Variants in ADGRA1 observed in about 807,000 individuals in gnomAD.
The protein encoded by ADGRA1 is G-protein coupled receptor 123.
A neutral mutation model predicts 21.3 loss-of-function variants in ADGRA1; 12 were observed. That is an observed-to-expected ratio of 0.56 (90% confidence interval 0.36 to 0.91). The LOEUF is 0.91. Among genes scored for constraint, ADGRA1 ranks in the 40% least tolerant of loss-of-function variants. The pLI is 0.01. For synonymous variants in ADGRA1, 385 were observed against 368.8 expected (o/e 1.04, Z -0.50); for missense variants, 790 against 805.6 (o/e 0.98, Z 0.23).
intron 5 of ADGRA1, among the ~76,000 whole-genome samples, chr10:133,113,727 T>G: frequency 7.3e-6 from 1 of 136,776 alleles, no homozygotes; most frequent in Non-Finnish European, 1.6e-5. Context: ...AGAATGTGGG[T>G]TCACTGGGAG....
intron 2 of ADGRA1, chr10:133,095,749 C>T (rs1351554223): frequency 3.8e-6 from 6 of 1,598,416 alleles, no homozygotes; most frequent in Admixed American, 1.7e-5. Context: ...CAGGAGCTCT[C>T]GGGCCCGCTG....
intron 2 of ADGRA1, among the ~76,000 whole-genome samples, chr10:133,090,022 C>T (rs533989239): frequency 6.6e-6 from 1 of 152,366 alleles, no homozygotes; most frequent in South Asian, 2.1e-4. Context: ...TCCCAGTTGG[C>T]AGGATCTGTG....
rs759608334 is a variant in ADGRA1, at chr10:133,127,305, C to T, written c.474C>T (p.Tyr158=). 5.6e-6 allele frequency: 9 copies of T among 1,600,098 alleles called. No homozygotes were observed. In the Admixed American group the frequency reaches 6.9e-5, roughly 12 times the overall value. The stretch of plus-strand genomic sequence containing the variant: ...CGGCTGCCACGAACATCAGGAATTA[C>T]GGGACAGAGGACGAGGACACGGCGT... ...GVTAATNIRN[Y]GTEDEDTAYC... Residue 158 remains tyrosine (Y), a synonymous_variant, in exon 6 of 7, where the codon TAC becomes TAT. Coordinates refer to ENST00000392607, the MANE Select transcript of ADGRA1 (RefSeq NM_001083909.3).
intron 5 of ADGRA1, among the ~76,000 whole-genome samples, chr10:133,112,431 G>GGTTATTTGGGGTCTACGGGCCACGTCA (rs1852058219): frequency 8.0e-6 from 1 of 125,400 alleles, no homozygotes; most frequent in African/African-American, 3.1e-5. Flanking sequence ...GGGCCATGTC[G>GGTTATTTGGGGTCTACGGGCCACGTCA]GTTATTTGGG....
intron 5 of ADGRA1, 89 bp from the exon 6 acceptor site, chr10:133,127,144 C>T: frequency 1.2e-6 from 1 of 806,426 alleles, no homozygotes; most frequent in Non-Finnish European, 1.9e-6. Context: ...GCTGCTCTCC[C>T]TTGCCCCGCG....
intron 3 of ADGRA1, 29 bp from the exon 4 acceptor site, chr10:133,098,611 A>T: frequency 6.3e-7 from 1 of 1,597,136 alleles, no homozygotes; most frequent in South Asian, 1.1e-5. Context: ...GCCTCTGCTC[A>T]TGTGAAACCC....
intron 4 of ADGRA1, among the ~76,000 whole-genome samples, chr10:133,100,439 G>C (rs1370391394): frequency 6.6e-6 from 1 of 152,234 alleles, no homozygotes; most frequent in African/African-American, 2.4e-5. Context: ...CCCCCCGAGG[G>C]CCTTCAGCAA....
intron 5 of ADGRA1, among the ~76,000 whole-genome samples, chr10:133,125,419 T>C (rs2135909178): frequency 6.6e-6 from 1 of 152,324 alleles, no homozygotes; most frequent in African/African-American, 2.4e-5. Context: ...TTTGTTTTAA[T>C]GTTTTTGTTT....
chr10:133,093,473 C>T (rs759351455), intron 2 of ADGRA1, among the ~76,000 whole-genome samples: 3 of 152,214 alleles, frequency 2.0e-5, no homozygotes, highest in South Asian at 4.1e-4. Context: ...CCACGCACGC[C>T]GGGCTCACAC....
At chr10:133,112,350 A>AGTTATTTGGGGTCTGCGGGCCGTGTCG (rs1202773503) in intron 5 of ADGRA1, among the ~76,000 whole-genome samples, 1 of 130,898 alleles carries the variant, frequency 7.6e-6, no homozygotes, top group Non-Finnish European at 1.6e-5. Flanking sequence ...AGGCTGCGTC[A>AGTTATTTGGGGTCTGCGGGCCGTGTCG]GTTATTTGGG....
chr10:133,120,976 T>C (rs1002467225), intron 5 of ADGRA1, among the ~76,000 whole-genome samples: 1 of 152,204 alleles, frequency 6.6e-6, no homozygotes, highest in African/African-American at 2.4e-5. Context: ...GGGTTATTAA[T>C]TGGCCTAATT....
chr10:133,099,133 G>A (rs1262453033), intron 4 of ADGRA1, among the ~76,000 whole-genome samples: 1 of 150,926 alleles, frequency 6.6e-6, no homozygotes, highest in African/African-American at 2.4e-5. Context: ...AAAGTGCTGG[G>A]GGGACACAGC....
chr10:133,124,603 T>A (rs1852339893), intron 5 of ADGRA1, among the ~76,000 whole-genome samples: 1 of 152,204 alleles, frequency 6.6e-6, no homozygotes, highest in South Asian at 2.1e-4. Flanking sequence ...TTAGACGGGA[T>A]TCGACGTAAC....
rs953761100 is a variant in ADGRA1, at chr10:133,088,103, G to T, written c.-238G>T. 16 of 985,022 alleles carry T rather than the reference G, an allele frequency of 1.6e-5. No individual in the cohort carries two copies. In the African/African-American group the frequency reaches 2.8e-4, roughly 17 times the overall value. The allele number at this position is 985,022 out of a possible 1,614,324, so 61.0% of individuals were successfully genotyped here. ...CAGCGCGTCTGTCTCCGGGAGCGCGGCCCGGCCGCCCCGGCAGCCGCTTCG... is the reference window on the plus strand; with the variant it reads ...CAGCGCGTCTGTCTCCGGGAGCGCGTCCCGGCCGCCCCGGCAGCCGCTTCG... On this transcript the variant is annotated 5_prime_UTR_variant, in exon 1 of 7. Coordinates refer to ENST00000392607, the MANE Select transcript of ADGRA1 (RefSeq NM_001083909.3).
In ADGRA1 at chr10:133,129,425, G is replaced by A; in HGVS notation, c.1597G>A (p.Gly533Ser). Residue 533 changes from glycine (G) to serine (S), a missense_variant, in exon 7 of 7, where the codon GGT (glycine) becomes AGT (serine). Gly to Ser is a moderately conservative substitution (Grantham distance 56, BLOSUM62 0). Around this residue, in one of 3 missense-constraint regions of ADGRA1, gnomAD observed 391 missense variants for 351.5 expected, o/e 1.11. Coordinates refer to ENST00000392607, the MANE Select transcript of ADGRA1 (RefSeq NM_001083909.3). ...GGPSQNGLPK[G>S]KLLEGLPFGT... is the part of the protein sequence containing the mutation. ...CCCCAGCCAGAACGGGCTGCCCAAG[G>A]GTAAATTGCTAGAAGGCCTGCCGTT... 6.2e-7 allele frequency: 1 copy of A among 1,604,902 alleles called. No homozygotes were observed. The highest frequency in any genetic ancestry group is 8.5e-7 in the Non-Finnish European group (1 of 1,179,848).
At chr10:133,113,111 A>G (rs191904711) in intron 5 of ADGRA1, among the ~76,000 whole-genome samples, 386 of 136,166 alleles carry the variant, frequency 2.8e-3, no homozygotes, top group African/African-American at 0.011. Flanking sequence ...TGGGGTCTGT[A>G]AGCTGTGTCG....
chr10:133,129,435 TAGA>T lies in ADGRA1; in HGVS notation c.1610_1612del (p.Glu537del), dbSNP rs771794783. On this transcript the variant is annotated inframe_deletion, in exon 7 of 7. Transcript: ENST00000392607. ...AACGGGCTGCCCAAGGGTAAATTGC[TAGA>T]AGGCCTGCCGTTTGGCACCGACGGG... The T allele has an allele frequency of 3.4e-5, 55 of 1,603,568 alleles. No individual in the cohort carries two copies. Among genetic ancestry groups the T allele is most frequent in the Non-Finnish European group, 4.7e-5 (55 of 1,179,890 alleles).
chr10:133,123,711 CCCT>C (rs1211502744), intron 5 of ADGRA1, among the ~76,000 whole-genome samples: 2 of 91,424 alleles, frequency 2.2e-5, no homozygotes, highest in Non-Finnish European at 4.2e-5. Context: ...AGGACTGCCT[CCCT>C]CCCCCCCCCC....
chr10:133,121,741 G>T (rs1403304678), intron 5 of ADGRA1, among the ~76,000 whole-genome samples: 1 of 148,780 alleles, frequency 6.7e-6, no homozygotes, highest in South Asian at 2.1e-4. Context: ...TTGTGTGTGT[G>T]GTGTGTGCCA....
Sources: gnomAD v4.1 joint callset for allele counts (sites outside exome capture counted in the v4.1 genomes callset) on GRCh38, gnomAD v4.1.1 for gene constraint, gnomAD v4.1.1 regional missense constraint, MANE v1.5 for transcripts, NCBI Gene and HGNC (gene_info 2026-07-23, HGNC 2026-07-21) for gene names.